The following LTBP1 variants were observed in gnomAD, a reference collection of about 807,000 sequenced individuals.
LTBP1 encodes latent-transforming growth factor beta-binding protein 1.
Under a neutral mutation model 207.6 loss-of-function variants are expected in LTBP1, and 129 were observed. The ratio of observed to expected loss-of-function variants is 0.62; its 90% CI spans 0.54 to 0.72. The LOEUF is 0.72. Ranked by LOEUF, LTBP1 falls within the 30% of genes least tolerant of loss-of-function variation. The pLI is 0.00. For synonymous variants in LTBP1, 963 were observed against 833.7 expected, an observed-to-expected ratio of 1.16 and a Z score of -2.67; for missense variants, 2,281 against 2,217.2, an observed-to-expected ratio of 1.03 and a Z score of -0.58.
At chr2:33,371,598 G>T (rs993613312) in intron 31 of LTBP1, among the ~76,000 whole-genome samples, 4 of 152,218 alleles carry the variant, frequency 2.6e-5, no homozygotes, top group Admixed American at 1.3e-4. Flanking sequence ...GAGGCCTTTG[G>T]TTGCATATGG....
chr2:33,216,719 C>T (rs557076059), intron 7 of LTBP1, among the ~76,000 whole-genome samples: 1 of 152,266 alleles, frequency 6.6e-6, no homozygotes, highest in East Asian at 1.9e-4. Context: ...AGCTGGTCCT[C>T]CCCTCAGGCT....
At chr2:33,184,649 A>T (rs1176508112) in intron 5 of LTBP1, among the ~76,000 whole-genome samples, 2 of 152,030 alleles carry the variant, frequency 1.3e-5, no homozygotes, top group African/African-American at 4.8e-5. Context: ...GTTTTTAGTT[A>T]TGTGTTATTT....
intron 11 of LTBP1, among the ~76,000 whole-genome samples, chr2:33,254,852 GTTTTTTTTT>G (rs70938393): frequency 8.2e-3 from 85 of 10,336 alleles, no homozygotes; most frequent in African/African-American, 0.041. Context: ...GCGGTGTTTG[GTTTTTTTTT>G]TTTTTTTTTT....
intron 32 of LTBP1, among the ~76,000 whole-genome samples, chr2:33,395,132 T>C (rs567831495): frequency 6.6e-6 from 1 of 152,346 alleles, no homozygotes; most frequent in Non-Finnish European, 1.5e-5. Context: ...ACAAAATACT[T>C]CTACTGAGTG....
At chr2:33,387,352 A>G (rs1558340872) in intron 31 of LTBP1, among the ~76,000 whole-genome samples, 2 of 152,240 alleles carry the variant, frequency 1.3e-5, no homozygotes, top group South Asian at 2.1e-4. Flanking sequence ...ACTGACAGCC[A>G]TTTGTGCTCT....
chr2:33,151,186 AT>A (rs1232728533), intron 5 of LTBP1, among the ~76,000 whole-genome samples: 1 of 152,108 alleles, frequency 6.6e-6, no homozygotes, highest in Admixed American at 6.5e-5. Flanking sequence ...CCTTTTTGCT[AT>A]TGAAAATAAT....
intron 3 of LTBP1, among the ~76,000 whole-genome samples, chr2:33,063,363 A>G (rs2077356624): frequency 6.6e-6 from 1 of 152,184 alleles, no homozygotes; most frequent in Non-Finnish European, 1.5e-5. Context: ...TTTTCCAGAG[A>G]ATACATAATG....
intron 3 of LTBP1, among the ~76,000 whole-genome samples, chr2:33,075,806 A>T (rs1413131691): frequency 3.9e-5 from 6 of 152,228 alleles, no homozygotes; most frequent in African/African-American, 1.4e-4. Flanking sequence ...GATAAAAGTC[A>T]CTTCCAGGTA....
At chr2:33,272,971 G>T (rs1182329342) in intron 15 of LTBP1, among the ~76,000 whole-genome samples, 11 of 152,074 alleles carry the variant, frequency 7.2e-5, no homozygotes, top group African/African-American at 2.2e-4. Context: ...ATCTGTACAG[G>T]ATATATAGAA....
chr2:33,135,040 C>T, intron 5 of LTBP1, 80 bp downstream of exon 5: 1 of 1,390,846 alleles, frequency 7.2e-7, no homozygotes, highest in African/African-American at 1.4e-5. Flanking sequence ...CCCCTCCATT[C>T]ACACTGCTGT....
intron 2 of LTBP1, among the ~76,000 whole-genome samples, chr2:32,963,854 G>A (rs1435026648): frequency 6.6e-6 from 1 of 152,102 alleles, no homozygotes; most frequent in Non-Finnish European, 1.5e-5. Context: ...GATCCACACT[G>A]AAGCTTGAGG....
intron 2 of LTBP1, among the ~76,000 whole-genome samples, chr2:32,993,283 A>G (rs1015681166): frequency 6.6e-6 from 1 of 152,146 alleles, no homozygotes; most frequent in African/African-American, 2.4e-5. Flanking sequence ...AAGCAAAGAA[A>G]GGAAAGAATT....
intron 19 of LTBP1, among the ~76,000 whole-genome samples, chr2:33,283,061 CA>C (rs201168175): frequency 0.047 from 2,330 of 49,442 alleles, 26 homozygotes; most frequent in African/African-American, 0.14. Context: ...GACTCCATCT[CA>C]AAAAAAAAAA....
Position 33,259,584 on chromosome 2 carries a change from T to G in LTBP1, c.2396-4T>G. ...CTAATACCCTTTTTCTTTTCTGGTT[T>G]TAGTGGCAACTGCACCCCCTGAAAA... On this transcript the variant is annotated splice_region_variant and splice_polypyrimidine_tract_variant and intron_variant, in intron 12 of 33. Coordinates refer to ENST00000404816, the MANE Select transcript of LTBP1 (RefSeq NM_206943.4). 1 of 1,602,468 alleles carries G rather than the reference T, an allele frequency of 6.2e-7. No homozygotes were observed.
intron 9 of LTBP1, among the ~76,000 whole-genome samples, chr2:33,239,549 T>G (rs1175008385): frequency 6.6e-6 from 1 of 152,174 alleles, no homozygotes; most frequent in Non-Finnish European, 1.5e-5. Flanking sequence ...TTAAAATACT[T>G]TTGATTTAGT....
chr2:32,986,070 C>T (rs1683517951), intron 2 of LTBP1, among the ~76,000 whole-genome samples: 1 of 152,266 alleles, frequency 6.6e-6, no homozygotes, highest in East Asian at 1.9e-4. Flanking sequence ...GGTAAGTATT[C>T]AATAAATATT....
chr2:33,058,014 CTG>C (rs1188479142), intron 3 of LTBP1, among the ~76,000 whole-genome samples: 1 of 152,238 alleles, frequency 6.6e-6, no homozygotes, highest in Non-Finnish European at 1.5e-5. Flanking sequence ...TAAAAATCCT[CTG>C]TGCTCTACCT....
At chr2:33,379,375 A>G (rs2095186425) in intron 31 of LTBP1, among the ~76,000 whole-genome samples, 1 of 151,880 alleles carries the variant, frequency 6.6e-6, no homozygotes, top group Non-Finnish European at 1.5e-5. Flanking sequence ...ATGCCCAGCT[A>G]ATTTTTTGTA....
chr2:33,013,390 T>A (rs1306581921), intron 2 of LTBP1, among the ~76,000 whole-genome samples: 1 of 152,076 alleles, frequency 6.6e-6, no homozygotes, highest in Non-Finnish European at 1.5e-5. Context: ...TTCTGTTCTT[T>A]TTTTCATTTT....
Sources: gnomAD v4.1 joint callset for allele counts (sites outside exome capture counted in the v4.1 genomes callset) on GRCh38, gnomAD v4.1.1 for gene constraint, MANE v1.5 for transcripts, NCBI Gene and HGNC (gene_info 2026-07-23, HGNC 2026-07-21) for gene names.